The following COL24A1 variants were observed in gnomAD, a reference collection of about 807,000 sequenced individuals.
COL24A1 encodes collagen type XXIV alpha 1 chain.
In COL24A1, 224 loss-of-function variants were observed where a neutral mutation model predicts 253.9. The ratio of observed to expected loss-of-function variants is 0.88; its 90% CI spans 0.79 to 0.99. The LOEUF (loss-of-function observed/expected upper bound fraction) is 0.99, where lower values mean the gene tolerates loss of function less well. COL24A1 is among the 50% of genes least tolerant of loss of function. COL24A1 has a pLI of 0.00. For missense variants in COL24A1, 2,131 were observed against 2,068.5 expected, an observed-to-expected ratio of 1.03 and a Z score of -0.59; for synonymous variants, 685 against 673.7, an observed-to-expected ratio of 1.02 and a Z score of -0.26.
chr1:85,760,604 G>A (rs1167895989), intron 55 of COL24A1, among the ~76,000 whole-genome samples: 1 of 152,116 alleles, frequency 6.6e-6, no homozygotes, highest in Non-Finnish European at 1.5e-5. Context: ...AATGACATCA[G>A]AGCAGCATGT....
intron 19 of COL24A1, among the ~76,000 whole-genome samples, chr1:85,997,289 GTATAAGTAGA>G (rs1248359002): frequency 6.6e-6 from 1 of 151,646 alleles, no homozygotes; most frequent in African/African-American, 2.4e-5. Flanking sequence ...TAGCAAGAGG[GTATAAGTAGA>G]TATTGGGCAA....
At chr1:85,909,861 AAATTCCAGCCCAGGC>A in intron 26 of COL24A1, 74 bp downstream of exon 26, 2 of 1,070,982 alleles carry the variant, frequency 1.9e-6, no homozygotes, top group Non-Finnish European at 2.9e-6. Flanking sequence ...TTACTCAGTT[AAATTCCAGCCCAGGC>A]AATTCCATCT....
chr1:86,156,085 A>G lies in COL24A1; in HGVS notation c.56+256T>C, dbSNP rs111764883. On this transcript the variant is annotated intron_variant, in intron 1 of 59. Coordinates refer to ENST00000370571, the MANE Select transcript of COL24A1 (RefSeq NM_152890.7). ...TGCCCTGGACCTCGGGACTCGCGCC[A>G]GCGAGCTTTTCCTCTCGAGCCAAAA... The G allele has an allele frequency of 9.7e-3, 3,655 of 375,598 alleles. 126 individuals carry two copies. Among genetic ancestry groups the G allele is most frequent in the African/African-American group, 0.07 (3,323 of 47,784 alleles). The allele number at this position is 375,598 out of a possible 1,614,324, so 23.3% of individuals were successfully genotyped here. A position where few individuals can be genotyped will look rare whatever the true frequency, so the allele number is the denominator to read the frequency against.
intron 47 of COL24A1, among the ~76,000 whole-genome samples, chr1:85,809,760 TAC>T (rs1213532757): frequency 1.3e-5 from 2 of 148,240 alleles, no homozygotes; most frequent in African/African-American, 2.5e-5. Flanking sequence ...TATATATATA[TAC>T]ACACACACAT....
intron 24 of COL24A1, among the ~76,000 whole-genome samples, chr1:85,915,681 C>T (rs1685827701): frequency 6.6e-6 from 1 of 152,162 alleles, no homozygotes. Flanking sequence ...CAGAGTCTCG[C>T]TGTGTCGCCT....
At chr1:85,810,324 CT>C (rs1672402871) in intron 47 of COL24A1, among the ~76,000 whole-genome samples, 1 of 152,152 alleles carries the variant, frequency 6.6e-6, no homozygotes, top group Non-Finnish European at 1.5e-5. Context: ...TCCTTGGTTC[CT>C]GGAATGCCCC....
rs538248306 is a variant in COL24A1, at chr1:85,874,651, G to C, written c.3136C>G (p.Arg1046Gly). 7 of 1,612,334 alleles carry C rather than the reference G, an allele frequency of 4.3e-6. No individual in the cohort carries two copies. The highest frequency in any genetic ancestry group is 4.2e-6 in the Non-Finnish European group (5 of 1,179,778). ...SVGGTGEPGLRGEPGAPGEEG... is the reference protein window; with the variant it reads ...SVGGTGEPGLGGEPGAPGEEG... ...AAGAGTTTCAAGGGGGCACTCACCCGTAAACCTGGTTCCCCAGTTCCTCCA... is the reference window on the plus strand; with the variant it reads ...AAGAGTTTCAAGGGGGCACTCACCCCTAAACCTGGTTCCCCAGTTCCTCCA... Residue 1046 changes from arginine (R) to glycine (G), a missense_variant and splice_region_variant, in exon 35 of 60, where the codon CGG becomes GGG. Physicochemically the swap from Arg to Gly is moderately radical, Grantham distance 125. Transcript: ENST00000370571.
At chr1:85,983,542 T>C (rs184205219) in intron 20 of COL24A1, among the ~76,000 whole-genome samples, 3 of 152,024 alleles carry the variant, frequency 2.0e-5, no homozygotes, top group East Asian at 3.9e-4. Flanking sequence ...TGTTTGCAAA[T>C]AGGGTAACCA....
intron 12 of COL24A1, among the ~76,000 whole-genome samples, chr1:86,034,537 T>C (rs1260318450): frequency 6.6e-6 from 1 of 152,190 alleles, no homozygotes; most frequent in Admixed American, 6.6e-5. Context: ...CTAGAGTCCA[T>C]GTTTTTCAAC....
At chr1:85,951,802 A>C (rs1270567870) in intron 24 of COL24A1, among the ~76,000 whole-genome samples, 1 of 152,206 alleles carries the variant, frequency 6.6e-6, no homozygotes, top group Non-Finnish European at 1.5e-5. Flanking sequence ...TTAATCAGAA[A>C]AGTGCTGAGC....
intron 11 of COL24A1, among the ~76,000 whole-genome samples, 186 bp downstream of exon 11, chr1:86,049,938 A>G (rs1390426600): frequency 6.6e-6 from 1 of 152,136 alleles, no homozygotes; most frequent in Non-Finnish European, 1.5e-5. Flanking sequence ...ATGCTATATT[A>G]CTTTCCTTTA....
At chr1:86,027,166 G>A (rs574410428) in intron 14 of COL24A1, among the ~76,000 whole-genome samples, 1 of 152,264 alleles carries the variant, frequency 6.6e-6, no homozygotes, top group South Asian at 2.1e-4. Context: ...GGGAAGCAAA[G>A]TATAAAAAAG....
intron 1 of COL24A1, among the ~76,000 whole-genome samples, chr1:86,150,145 C>T (rs914125038): frequency 5.4e-4 from 82 of 152,290 alleles, no homozygotes; most frequent in African/African-American, 1.9e-3. Context: ...ACTTACCATT[C>T]TTAAGTACAC....
At chr1:85,975,895 G>A (rs1692627006) in intron 20 of COL24A1, among the ~76,000 whole-genome samples, 1 of 152,160 alleles carries the variant, frequency 6.6e-6, no homozygotes, top group Non-Finnish European at 1.5e-5. Context: ...CTTACCTAGA[G>A]CTGAAACTGA....
At chr1:85,870,205 C>G (rs889499716) in intron 35 of COL24A1, among the ~76,000 whole-genome samples, 32 of 152,154 alleles carry the variant, frequency 2.1e-4, no homozygotes, top group Middle Eastern at 3.4e-3. Flanking sequence ...AGCAAGTCCT[C>G]AGAGACCTAC....
chr1:85,848,213 G>GTT (rs1677356861), intron 38 of COL24A1, among the ~76,000 whole-genome samples: 1 of 152,184 alleles, frequency 6.6e-6, no homozygotes, highest in African/African-American at 2.4e-5. Context: ...TTGGCTTGGA[G>GTT]TATGCCTTGA....
At chr1:85,835,018 G>C (rs1288158391) in intron 43 of COL24A1, among the ~76,000 whole-genome samples, 1 of 151,744 alleles carries the variant, frequency 6.6e-6, no homozygotes, top group African/African-American at 2.4e-5. Context: ...GATGTCCATG[G>C]GGGCAGAGAC....
intron 45 of COL24A1, among the ~76,000 whole-genome samples, chr1:85,820,227 C>T (rs921472520): frequency 6.6e-6 from 1 of 152,016 alleles, no homozygotes; most frequent in Non-Finnish European, 1.5e-5. Flanking sequence ...AAAGATGATG[C>T]CTAGGGAGAC....
chr1:86,144,897 G>A (rs1246930530), intron 2 of COL24A1, among the ~76,000 whole-genome samples: 1 of 152,058 alleles, frequency 6.6e-6, no homozygotes, highest in Non-Finnish European at 1.5e-5. Flanking sequence ...AACAGTAACC[G>A]TGATAATAAC....
Sources: gnomAD v4.1 joint callset for allele counts (sites outside exome capture counted in the v4.1 genomes callset) on GRCh38, gnomAD v4.1.1 for gene constraint, MANE v1.5 for transcripts, NCBI Gene and HGNC (gene_info 2026-07-23, HGNC 2026-07-21) for gene names.